Variants in CSMD3 observed in about 807,000 individuals in gnomAD.
CSMD3 encodes CUB and Sushi multiple domains 3, also known as CUB and sushi domain-containing protein 3.
A neutral mutation model predicts 435.2 loss-of-function variants in CSMD3; 177 were observed. The observed-to-expected ratio is 0.41, with a 90% CI of 0.36 to 0.46. The LOEUF (loss-of-function observed/expected upper bound fraction) is 0.46, where lower values mean the gene tolerates loss of function less well. Ranked by LOEUF, CSMD3 falls within the 20% of genes least tolerant of loss-of-function variation. CSMD3 has a pLI of 0.34. For missense variants in CSMD3, 4,265 were observed against 4,504.6 expected (o/e 0.95, Z 1.52); for synonymous variants, 1,656 against 1,520.5 (o/e 1.09, Z -2.07).
At chr8:112,492,894 C>T (rs1234920809) in intron 30 of CSMD3, among the ~76,000 whole-genome samples, 1 of 118,146 alleles carries the variant, frequency 8.5e-6, no homozygotes, top group Non-Finnish European at 1.7e-5. Context: ...ACATCATATC[C>T]TGTATTATTA....
intron 4 of CSMD3, among the ~76,000 whole-genome samples, chr8:113,171,964 A>C (rs555393998): frequency 1.3e-5 from 2 of 152,280 alleles, no homozygotes; most frequent in Admixed American, 6.5e-5. Flanking sequence ...GCCCATTATA[A>C]AAGAGTCAGG....
chr8:112,634,019 A>G (rs2074588205), intron 22 of CSMD3, among the ~76,000 whole-genome samples: 1 of 152,082 alleles, frequency 6.6e-6, no homozygotes. Flanking sequence ...GGCTATTGTT[A>G]ACCTAGGCTT....
At chr8:113,141,169 T>A (rs1324831023) in intron 4 of CSMD3, among the ~76,000 whole-genome samples, 9 of 150,780 alleles carry the variant, frequency 6.0e-5, no homozygotes, top group Admixed American at 5.3e-4. Context: ...AAATAAAAAG[T>A]ATAATTTTAA....
chr8:112,882,028 G>A (rs1390384118), intron 10 of CSMD3, among the ~76,000 whole-genome samples: 1 of 151,790 alleles, frequency 6.6e-6, no homozygotes, highest in Admixed American at 6.6e-5. Flanking sequence ...TGGGAGACTG[G>A]TAGGTAGAAT....
chr8:113,384,565 A>G (rs2094431473), intron 1 of CSMD3, among the ~76,000 whole-genome samples: 1 of 152,204 alleles, frequency 6.6e-6, no homozygotes, highest in Non-Finnish European at 1.5e-5. Flanking sequence ...TATAGAAGGC[A>G]TAGGTTCGCT....
At chr8:112,914,068 A>C (rs1251002014) in intron 10 of CSMD3, among the ~76,000 whole-genome samples, 2 of 151,998 alleles carry the variant, frequency 1.3e-5, no homozygotes, top group Non-Finnish European at 2.9e-5. Flanking sequence ...TTAAATAAAC[A>C]AAAGAATGAT....
intron 5 of CSMD3, among the ~76,000 whole-genome samples, chr8:113,084,472 G>A (rs200774653): frequency 1.3e-5 from 2 of 151,850 alleles, no homozygotes; most frequent in African/African-American, 4.8e-5. Flanking sequence ...AAATGGAAAG[G>A]TATCCCATGC....
At chr8:112,500,034 G>A (rs1338693199) in intron 30 of CSMD3, among the ~76,000 whole-genome samples, 1 of 152,020 alleles carries the variant, frequency 6.6e-6, no homozygotes, top group African/African-American at 2.4e-5. Context: ...GCTTGAATCC[G>A]GGATGCAAAG....
intron 2 of CSMD3, chr8:113,313,513 G>A (rs906925151): frequency 1.3e-5 from 2 of 151,906 alleles, no homozygotes; most frequent in Admixed American, 1.3e-4. Flanking sequence ...AGTAGAGACG[G>A]GGTTTCACTA....
intron 3 of CSMD3, among the ~76,000 whole-genome samples, chr8:113,202,830 T>G (rs781479669): frequency 6.6e-6 from 1 of 152,276 alleles, no homozygotes; most frequent in Middle Eastern, 3.4e-3. Flanking sequence ...TTTGAATATA[T>G]AGCTCTACAA....
At chr8:113,135,462 G>A (rs2131704272) in intron 4 of CSMD3, among the ~76,000 whole-genome samples, 1 of 151,740 alleles carries the variant, frequency 6.6e-6, no homozygotes, top group South Asian at 2.1e-4. Context: ...TGAGTTGACT[G>A]CATGACAAAA....
chr8:112,876,479 C>G (rs1193308307), intron 10 of CSMD3, among the ~76,000 whole-genome samples: 1 of 152,158 alleles, frequency 6.6e-6, no homozygotes, highest in Non-Finnish European at 1.5e-5. Flanking sequence ...AAAAGCTTAT[C>G]CACCATGATC....
At chr8:113,299,947 A>T (rs1039845300) in intron 2 of CSMD3, among the ~76,000 whole-genome samples, 3 of 151,766 alleles carry the variant, frequency 2.0e-5, no homozygotes, top group African/African-American at 7.3e-5. Flanking sequence ...AGCCGACATC[A>T]CGCCACTGCA....
intron 27 of CSMD3, 125 bp from the exon 28 acceptor site, chr8:112,517,350 C>T: frequency 1.6e-6 from 1 of 644,108 alleles, no homozygotes; most frequent in Non-Finnish European, 2.7e-6. Context: ...ATACAATAAA[C>T]ACTTTCTCCA....
chr8:112,532,016 A>G (rs1305770890), intron 27 of CSMD3, among the ~76,000 whole-genome samples: 1 of 151,268 alleles, frequency 6.6e-6, no homozygotes, highest in Non-Finnish European at 1.5e-5. Context: ...TAAATTATAT[A>G]TATAAATATA....
chr8:112,986,021 G>A (rs185964707), intron 6 of CSMD3, among the ~76,000 whole-genome samples: 197 of 152,188 alleles, frequency 1.3e-3, no homozygotes, highest in African/African-American at 4.5e-3. Flanking sequence ...ATCAGTCTCT[G>A]GTGCCAAAAA....
chr8:112,510,709 G>C (rs2130952259), intron 28 of CSMD3, among the ~76,000 whole-genome samples: 1 of 152,030 alleles, frequency 6.6e-6, no homozygotes. Flanking sequence ...AGTAACCTCT[G>C]CCCATCTCGG....
intron 10 of CSMD3, among the ~76,000 whole-genome samples, chr8:112,904,777 TG>T (rs1472046097): frequency 6.6e-6 from 1 of 151,378 alleles, no homozygotes; most frequent in Non-Finnish European, 1.5e-5. Context: ...TTTCATCTTG[TG>T]AGCCAAGGCA....
At chr8:112,724,124 G>A (rs964547534) in intron 13 of CSMD3, among the ~76,000 whole-genome samples, 1 of 152,034 alleles carries the variant, frequency 6.6e-6, no homozygotes, top group Non-Finnish European at 1.5e-5. Context: ...ACTGTGGAGA[G>A]GTGAATAGGT....
Sources: gnomAD v4.1 joint callset for allele counts (sites outside exome capture counted in the v4.1 genomes callset) on GRCh38, gnomAD v4.1.1 for gene constraint, MANE v1.5 for transcripts, NCBI Gene and HGNC (gene_info 2026-07-23, HGNC 2026-07-21) for gene names.